RBPMS: variants seen among roughly 807,000 people sequenced by gnomAD.
The protein encoded by RBPMS is RNA binding protein, mRNA processing factor.
In RBPMS, 7 loss-of-function variants were observed where a neutral mutation model predicts 26.8. The observed-to-expected ratio is 0.26, with a 90% confidence interval of 0.15 to 0.49. The LOEUF (loss-of-function observed/expected upper bound fraction) is 0.49. Ranked by LOEUF, RBPMS falls within the 20% of genes least tolerant of loss-of-function variation. RBPMS has a pLI of 0.98. For synonymous variants in RBPMS, 96 were observed against 93.3 expected (o/e 1.03, Z -0.17); for missense variants, 186 against 250.0 (o/e 0.74, Z 1.73).
At chr8:30,564,576 C>T (rs1002210211) in intron 7 of RBPMS, 3 of 152,602 alleles carry the variant, frequency 2.0e-5, no homozygotes, top group Admixed American at 6.5e-5. Flanking sequence ...CTCTACAAAC[C>T]ACGTGACAAC....
chr8:30,413,395 T>TCC (rs1809681052), intron 1 of RBPMS, among the ~76,000 whole-genome samples: 1 of 151,992 alleles, frequency 6.6e-6, no homozygotes, highest in South Asian at 2.1e-4. Context: ...TGATCCCTAT[T>TCC]TCTCTCTCTG....
chr8:30,515,712 G>C (rs1157974120), intron 5 of RBPMS, among the ~76,000 whole-genome samples: 1 of 152,100 alleles, frequency 6.6e-6, no homozygotes, highest in East Asian at 1.9e-4. Flanking sequence ...CTAGAGTGCA[G>C]TGATGCCATC....
intron 4 of RBPMS, among the ~76,000 whole-genome samples, chr8:30,485,004 A>T (rs922097985): frequency 6.6e-6 from 1 of 152,252 alleles, no homozygotes; most frequent in South Asian, 2.1e-4. Flanking sequence ...GTAAAGGGAA[A>T]ACAAGCAAAA....
At chr8:30,566,097 A>T (rs1000519477) in intron 7 of RBPMS, 160 bp from the exon 8 acceptor site, 1 of 174,586 alleles carries the variant, frequency 5.7e-6, no homozygotes, top group Non-Finnish European at 1.1e-5. Flanking sequence ...GCCATTCTGC[A>T]GCAGCCTCTG....
At chr8:30,428,167 G>A (rs991953907) in intron 1 of RBPMS, among the ~76,000 whole-genome samples, 2 of 151,838 alleles carry the variant, frequency 1.3e-5, no homozygotes, top group African/African-American at 4.8e-5. Context: ...GGGACTACAG[G>A]TGCACACCAC....
intron 5 of RBPMS, among the ~76,000 whole-genome samples, chr8:30,518,551 G>A (rs1469775335): frequency 5.9e-5 from 9 of 151,910 alleles, no homozygotes; most frequent in African/African-American, 2.2e-4. Context: ...TCAGCCTCCC[G>A]AGTAGCTGGG....
intron 6 of RBPMS, among the ~76,000 whole-genome samples, chr8:30,554,654 A>G (rs1278841526): frequency 1.3e-5 from 2 of 152,136 alleles, no homozygotes; most frequent in African/African-American, 2.4e-5. Context: ...AGTGTCGTTT[A>G]TTGGATGCCT....
In RBPMS at chr8:30,556,879, C is replaced by T. The variant is rs772575014; in HGVS notation, c.529-2008C>T. The stretch of plus-strand genomic sequence containing the variant: ...CTGTCCCCTTCCCTGCCCGCCCCTA[C>T]CTCACCCCCATCTTCCCCACTCTTG... On this transcript the variant is annotated intron_variant, in intron 6 of 8. Coordinates refer to ENST00000397323, the MANE Select transcript of RBPMS (RefSeq NM_001008710.3). 63 of 559,632 alleles carry T rather than the reference C, an allele frequency of 1.1e-4. No homozygotes were observed. The Middle Eastern group carries it at 3.6e-3, about 32-fold the overall frequency. The allele number at this position is 559,632 out of a possible 1,614,324, so 34.7% of individuals were successfully genotyped here. A position where few individuals can be genotyped will look rare whatever the true frequency, so the allele number is the denominator to read the frequency against.
At chr8:30,387,978 T>C (rs531410376) in intron 1 of RBPMS, among the ~76,000 whole-genome samples, 1 of 147,938 alleles carries the variant, frequency 6.8e-6, no homozygotes, top group South Asian at 2.1e-4. Flanking sequence ...TTAATACTTC[T>C]ACTTTGGATA....
At chr8:30,557,009 A>C (rs1431616343) in intron 6 of RBPMS, among the ~76,000 whole-genome samples, 1 of 151,952 alleles carries the variant, frequency 6.6e-6, no homozygotes, top group Non-Finnish European at 1.5e-5. Flanking sequence ...AATTGCAATG[A>C]GTGTTGGGAG....
chr8:30,551,769 C>T (rs1174140695), intron 6 of RBPMS, among the ~76,000 whole-genome samples: 2 of 152,132 alleles, frequency 1.3e-5, no homozygotes, highest in Non-Finnish European at 2.9e-5. Context: ...TTTTTTAAAT[C>T]AAACAAACCT....
chr8:30,520,320 C>G (rs1212461605), intron 5 of RBPMS, among the ~76,000 whole-genome samples: 1 of 152,146 alleles, frequency 6.6e-6, no homozygotes, highest in African/African-American at 2.4e-5. Context: ...CATTGGTGAT[C>G]ACTGTTTTGT....
Position 30,474,803 on chromosome 8 carries a change from C to G in RBPMS, c.91C>G (p.Leu31Val), listed in dbSNP as rs1817517115. The G allele has an allele frequency of 6.2e-7, 1 of 1,612,522 alleles. No homozygotes were observed. The highest frequency in any genetic ancestry group is 8.5e-7 in the Non-Finnish European group (1 of 1,178,768). ...GGTCCGGACCCTATTTGTCAGTGGC[C>G]TTCCTCTGGATATCAAACCTCGGGA... ...EEVRTLFVSG[L>V]PLDIKPRELY... is the part of the protein sequence containing the mutation. The change falls in exon 2 of 9, where the codon CTT becomes GTT. Residue 31 changes from leucine (L) to valine (V), a missense_variant. By Grantham distance (32) the Leu-to-Val change is conservative. Coordinates refer to ENST00000397323, the MANE Select transcript of RBPMS (RefSeq NM_001008710.3).
At chr8:30,518,481 A>G (rs1822589470) in intron 5 of RBPMS, among the ~76,000 whole-genome samples, 1 of 151,848 alleles carries the variant, frequency 6.6e-6, no homozygotes, top group Non-Finnish European at 1.5e-5. Context: ...GCTGGAGTGC[A>G]GTGGCATGAT....
chr8:30,422,306 G>T (rs1390509838), intron 1 of RBPMS, among the ~76,000 whole-genome samples: 1 of 151,770 alleles, frequency 6.6e-6, no homozygotes, highest in African/African-American at 2.4e-5. Flanking sequence ...ATTTAGATAG[G>T]GTTTCGCCAG....
At chr8:30,413,076 TTTTG>T (rs918717566) in intron 1 of RBPMS, among the ~76,000 whole-genome samples, 64 of 152,208 alleles carry the variant, frequency 4.2e-4, no homozygotes, top group African/African-American at 1.4e-3. Context: ...TTGACATTGT[TTTTG>T]TTTGTTTGTT....
intron 4 of RBPMS, among the ~76,000 whole-genome samples, chr8:30,493,468 A>AG (rs1819611775): frequency 6.6e-6 from 1 of 152,110 alleles, no homozygotes; most frequent in Non-Finnish European, 1.5e-5. Context: ...TTGTGCATTA[A>AG]GGATTCTAAG....
chr8:30,437,055 T>C (rs1206022810), intron 1 of RBPMS, among the ~76,000 whole-genome samples: 1 of 151,604 alleles, frequency 6.6e-6, no homozygotes, highest in Non-Finnish European at 1.5e-5. Flanking sequence ...CCCGAGTAGC[T>C]GGGACTATAG....
intron 1 of RBPMS, among the ~76,000 whole-genome samples, chr8:30,442,451 C>T (rs1813201146): frequency 6.6e-6 from 1 of 152,200 alleles, no homozygotes; most frequent in African/African-American, 2.4e-5. Context: ...ACCGTGGCAA[C>T]TCCAGAATGT....
Sources: allele counts gnomAD v4.1 joint callset (sites outside exome capture counted in the v4.1 genomes callset), GRCh38; gene constraint gnomAD v4.1.1; transcripts MANE v1.5; gene names NCBI Gene and HGNC (gene_info 2026-07-23, HGNC 2026-07-21).